Variants in SMIM23 observed in about 807,000 individuals in gnomAD.
The protein encoded by SMIM23 is CTB-78H18.1.
In SMIM23, 10 loss-of-function variants were observed where a neutral mutation model predicts 12.8. The ratio of observed to expected loss-of-function variants is 0.78; its 90% CI spans 0.48 to 1.32. The LOEUF is 1.32. Ranked by LOEUF, SMIM23 falls within the 40% of genes most tolerant of loss-of-function variation. SMIM23 has a pLI of 0.00. For missense variants in SMIM23, 184 were observed against 198.2 expected, an observed-to-expected ratio of 0.93 and a Z score of 0.43; for synonymous variants, 78 against 80.1, an observed-to-expected ratio of 0.97 and a Z score of 0.14.
At chr5:171,781,046 T>C (rs1216162632), upstream of SMIM23, among the ~76,000 whole-genome samples, 3 of 152,248 alleles carry the variant, frequency 2.0e-5, no homozygotes, top group Admixed American at 2.0e-4. Flanking sequence ...CCAATGCATG[T>C]AAAGCACTTT....
In SMIM23 at chr5:171,790,537, T is replaced by G; in HGVS notation, c.213T>G (p.Leu71=). The G allele has an allele frequency of 6.5e-7, 1 of 1,536,720 alleles. No individual in the cohort carries two copies. The highest frequency in any genetic ancestry group is 1.4e-5 in the African/African-American group (1 of 73,140). Residue 71 remains leucine (L), a synonymous_variant, in exon 3 of 4, where the codon CTT becomes CTG. Coordinates refer to ENST00000523047, the MANE Select transcript of SMIM23 (RefSeq NM_001289970.2). The part of the protein sequence containing the change: ...RIRECNYYQN[L]AVPQGLEYQT... ...GAGAATGTAACTACTACCAGAATCTTGCAGTTCCCCAGGTAACATGTCCAG... is the reference window on the plus strand; with the variant it reads ...GAGAATGTAACTACTACCAGAATCTGGCAGTTCCCCAGGTAACATGTCCAG...
In SMIM23 at chr5:171,790,291, C is replaced by A. The variant is rs1755898146; in HGVS notation, c.157+10C>A. 1 of 1,536,034 alleles carries A rather than the reference C, an allele frequency of 6.5e-7. No homozygotes were observed. The highest frequency in any genetic ancestry group is 8.7e-7 in the Non-Finnish European group (1 of 1,146,834). On this transcript the variant is annotated intron_variant, in intron 2 of 3. Transcript: ENST00000523047. The stretch of plus-strand genomic sequence containing the variant: ...AGCACAGAGATATGGGGTGAGCATT[C>A]TGGAATCTGAGAAAGAAGGAACCAA...
At chr5:171,773,464 T>A in the SMIM23 span, among the ~76,000 whole-genome samples, 1 of 152,216 alleles carries the variant, frequency 6.6e-6, no homozygotes, top group East Asian at 1.9e-4. Context: ...AATTAACAGA[T>A]AATTACAGGG....
At chr5:171,777,922 T>A (rs773136014), upstream of SMIM23, among the ~76,000 whole-genome samples, 5 of 152,148 alleles carry the variant, frequency 3.3e-5, no homozygotes, top group Non-Finnish European at 7.4e-5. Flanking sequence ...GAGCTTTGAA[T>A]CTGCAGGGAG....
chr5:171,778,320 G>A (rs140911765), upstream of SMIM23, among the ~76,000 whole-genome samples: 1,960 of 151,134 alleles, frequency 0.013, 49 homozygotes, highest in African/African-American at 0.045. Flanking sequence ...TCATGCCATT[G>A]CACTCCAGCC....
chr5:171,782,113 A>G (rs1260041522), upstream of SMIM23, among the ~76,000 whole-genome samples: 1 of 151,896 alleles, frequency 6.6e-6, no homozygotes, highest in African/African-American at 2.4e-5. Context: ...GCTGCTGCTC[A>G]CTCTTTCGGT....
At chr5:171,787,226 G>T (rs1244333360) in intron 1 of SMIM23, among the ~76,000 whole-genome samples, 1 of 151,874 alleles carries the variant, frequency 6.6e-6, no homozygotes, top group Non-Finnish European at 1.5e-5. Flanking sequence ...CGCCATATTG[G>T]CCAGGCTGGT....
intron 1 of SMIM23, among the ~76,000 whole-genome samples, chr5:171,788,485 T>A (rs777873831): frequency 1.3e-5 from 2 of 152,110 alleles, no homozygotes. Flanking sequence ...TCTCTTGACC[T>A]CTTTTCTTTA....
upstream of SMIM23, among the ~76,000 whole-genome samples, chr5:171,783,524 C>G (rs759324230): frequency 1.8e-4 from 27 of 152,254 alleles, no homozygotes; most frequent in Middle Eastern, 3.4e-3. Context: ...AAAAAATTAA[C>G]CTTAAACTCC....
At chr5:171,788,321 A>G (rs1272336143) in intron 1 of SMIM23, among the ~76,000 whole-genome samples, 3 of 152,274 alleles carry the variant, frequency 2.0e-5, no homozygotes, top group Admixed American at 2.0e-4. Flanking sequence ...AATTAATGAA[A>G]TGTAAAGCAG....
chr5:171,779,884 G>T (rs915763810), upstream of SMIM23, among the ~76,000 whole-genome samples: 4 of 152,004 alleles, frequency 2.6e-5, no homozygotes, highest in African/African-American at 4.8e-5. Flanking sequence ...GGGGAAGAGA[G>T]AGAAACTACC....
intron 1 of SMIM23, among the ~76,000 whole-genome samples, chr5:171,787,965 T>C (rs914741993): frequency 1.3e-5 from 2 of 152,084 alleles, no homozygotes; most frequent in African/African-American, 4.8e-5. Context: ...GTAATGTAGT[T>C]GCTAGTATTA....
chr5:171,784,349 CA>C (rs1361412946), upstream of SMIM23, among the ~76,000 whole-genome samples: 1 of 151,916 alleles, frequency 6.6e-6, no homozygotes, highest in African/African-American at 2.4e-5. Context: ...ACTAAAAATA[CA>C]AAAAATTAGC....
Position 171,790,946 on chromosome 5 carries a change from A to G in SMIM23, c.377A>G (p.Asp126Gly), listed in dbSNP as rs1581077047. 1 of 1,536,126 alleles carries G rather than the reference A, an allele frequency of 6.5e-7. No homozygotes were observed. Among genetic ancestry groups the G allele is most frequent in the Non-Finnish European group, 8.7e-7 (1 of 1,146,920 alleles). ...QLAWDLELWL[D>G]ALLGEPHQEE... ...GCGTGGGACCTGGAACTGTGGCTGG[A>G]TGCTCTTCTGGGAGAGCCACACCAG... Residue 126 changes from aspartate to glycine, a missense_variant, in exon 4 of 4, where the codon GAT (aspartate) becomes GGT (glycine). Physicochemically the swap from Asp to Gly is moderately conservative, Grantham distance 94. Transcript: ENST00000523047.
rs1755908049 is a variant in SMIM23, at chr5:171,790,789, T to C, written c.226-6T>C. Reference sequence around the variant, plus strand: ...ACAGGATGCCACTTCTGTGTCTGCCTTCCAGGGGCTTGAATATCAGACCAA... The same window carrying C: ...ACAGGATGCCACTTCTGTGTCTGCCCTCCAGGGGCTTGAATATCAGACCAA... On this transcript the variant is annotated splice_region_variant and splice_polypyrimidine_tract_variant and intron_variant, in intron 3 of 3. Transcript: ENST00000523047. 2 of 1,536,104 alleles carry C rather than the reference T, an allele frequency of 1.3e-6. No homozygotes were observed. Among genetic ancestry groups the C allele is most frequent in the Non-Finnish European group, 1.7e-6 (2 of 1,146,900 alleles).
upstream of SMIM23, among the ~76,000 whole-genome samples, chr5:171,778,425 A>G (rs1755673569): frequency 6.6e-6 from 1 of 150,928 alleles, no homozygotes; most frequent in Admixed American, 6.6e-5. Flanking sequence ...ATGAATCCTT[A>G]TAAAAGGGAG....
At chr5:171,790,380 C>T (rs1755899819) in intron 2 of SMIM23, 99 bp downstream of exon 2, 1 of 1,489,888 alleles carries the variant, frequency 6.7e-7, no homozygotes, top group African/African-American at 1.4e-5. Context: ...CTCCATAACC[C>T]ACCTTCTCCC....
At chr5:171,782,762 A>AT (rs1429404525), upstream of SMIM23, 1 of 152,192 alleles carries the variant, frequency 6.6e-6, no homozygotes, top group Non-Finnish European at 1.5e-5. Flanking sequence ...TTCAACAGGT[A>AT]TTTTTACTGA....
At chr5:171,787,260 C>T (rs6555972) in intron 1 of SMIM23, among the ~76,000 whole-genome samples, 20,903 of 152,042 alleles carry the variant, frequency 0.14, 3,867 homozygotes, top group African/African-American at 0.42. Flanking sequence ...CCTCATGATC[C>T]ACCCGCCTCC....
Sources: gnomAD v4.1 joint callset for allele counts (sites outside exome capture counted in the v4.1 genomes callset) on GRCh38, gnomAD v4.1.1 for gene constraint, MANE v1.5 for transcripts, NCBI Gene and HGNC (gene_info 2026-07-23, HGNC 2026-07-21) for gene names.